NHSL2: variants seen among roughly 807,000 people sequenced by gnomAD.
NHSL2 encodes the protein NHS-like protein 2.
In NHSL2, 27 loss-of-function variants were observed where a neutral mutation model predicts 53.4. The observed-to-expected ratio is 0.51, with a 90% CI of 0.37 to 0.70. The LOEUF (loss-of-function observed/expected upper bound fraction) is 0.70, where lower values mean the gene tolerates loss of function less well. Among genes scored for constraint, NHSL2 ranks in the 30% least tolerant of loss-of-function variants. The pLI, the probability that NHSL2 is intolerant of heterozygous loss-of-function variation, is 0.00. For synonymous variants in NHSL2, 408 were observed against 404.1 expected (o/e 1.01, Z -0.12); for missense variants, 892 against 980.1 (o/e 0.91, Z 1.20).
chrX:72,143,508 A>G lies in NHSL2; in HGVS notation c.3612A>G (p.Pro1204=). The G allele has an allele frequency of 8.6e-7, 1 of 1,166,531 alleles. No homozygotes were observed. The highest frequency in any genetic ancestry group is 1.1e-6 in the Non-Finnish European group (1 of 872,242). The change falls in exon 8 of 8, where the codon CCA becomes CCG. Residue 1204 remains proline, a synonymous_variant. Transcript: ENST00000633930. ...SAAELLKTTN[P]LARRIIAQFS... is the part of the protein sequence containing the mutation. ...CTGAACTTCTGAAGACCACTAACCCACTGGCTCGGAGAATTATTGCACAAT... is the reference window on the plus strand; with the variant it reads ...CTGAACTTCTGAAGACCACTAACCCGCTGGCTCGGAGAATTATTGCACAAT...
At chrX:72,138,410 A>G in intron 5 of NHSL2, 31 bp from the exon 6 acceptor site, 3 of 1,079,082 alleles carry the variant, frequency 2.8e-6, no homozygotes, top group Non-Finnish European at 3.7e-6. Context: ...CCCTTGCTGT[A>G]GCACTCATGT....
At chrX:72,015,262 T>G (rs1246014283) in intron 1 of NHSL2, among the ~76,000 whole-genome samples, 1 of 111,676 alleles carries the variant, frequency 9.0e-6, no homozygotes, top group Non-Finnish European at 1.9e-5. Context: ...ATGCTCACGG[T>G]TTTTTGTTGT....
At chrX:71,937,167 C>T (rs1423147902) in intron 1 of NHSL2, among the ~76,000 whole-genome samples, 1 of 111,979 alleles carries the variant, frequency 8.9e-6, no homozygotes, top group Non-Finnish European at 1.9e-5. Context: ...GCATCAAGAA[C>T]ACATAGTACC....
intron 1 of NHSL2, among the ~76,000 whole-genome samples, chrX:71,987,534 C>T (rs7890496): frequency 2.7e-5 from 3 of 112,013 alleles, no homozygotes; most frequent in Admixed American, 9.4e-5. Context: ...AGTATGTGAC[C>T]GAATTTAGAC....
intron 1 of NHSL2, among the ~76,000 whole-genome samples, chrX:72,107,323 G>A (rs1041764075): frequency 8.9e-6 from 1 of 111,735 alleles, no homozygotes; most frequent in Admixed American, 9.4e-5. Flanking sequence ...ATGTAAGTTA[G>A]TTCCCAATGC....
At chrX:71,933,419 G>A (rs181642737) in intron 1 of NHSL2, among the ~76,000 whole-genome samples, 2 of 109,716 alleles carry the variant, frequency 1.8e-5, no homozygotes, top group South Asian at 4.0e-4. Context: ...AGAGGACTGT[G>A]AGGAGAAGGA....
intron 1 of NHSL2, chrX:72,130,182 C>T: frequency 8.3e-7 from 1 of 1,210,798 alleles, no homozygotes; most frequent in South Asian, 1.8e-5. Flanking sequence ...CCAGTGGCTC[C>T]TCCTCCACCT....
intron 1 of NHSL2, chrX:72,127,781 C>A (rs967568656): frequency 1.8e-5 from 2 of 112,834 alleles, no homozygotes; most frequent in African/African-American, 6.5e-5. Flanking sequence ...GAAAACCAGA[C>A]AATTGAAAGG....
chrX:72,134,451 G>A (rs1206815763), intron 3 of NHSL2, 58 bp from the exon 4 acceptor site: 2 of 1,005,334 alleles, frequency 2.0e-6, no homozygotes, highest in Non-Finnish European at 2.7e-6. Context: ...CCACCCTATG[G>A]GCACTGGCTC....
chrX:71,915,887 A>G (rs760124502), intron 1 of NHSL2, among the ~76,000 whole-genome samples: 2 of 112,282 alleles, frequency 1.8e-5, no homozygotes, highest in South Asian at 7.6e-4. Context: ...ACCTTTAGTA[A>G]CTGAGGGCAC....
At chrX:72,013,153 C>T (rs771217633) in intron 1 of NHSL2, among the ~76,000 whole-genome samples, 2 of 112,342 alleles carry the variant, frequency 1.8e-5, no homozygotes, top group Non-Finnish European at 3.8e-5. Context: ...TATGTTAAGT[C>T]TTCTGATCCA....
intron 1 of NHSL2, among the ~76,000 whole-genome samples, chrX:71,989,348 CA>C (rs10625546): frequency 7.3e-5 from 4 of 54,703 alleles, no homozygotes; most frequent in African/African-American, 3.3e-4. Flanking sequence ...GACTCCGTCT[CA>C]AAAAAAAAAA....
chrX:72,129,937 G>T, intron 1 of NHSL2: 1 of 1,211,383 alleles, frequency 8.3e-7, no homozygotes, highest in Non-Finnish European at 1.1e-6. Flanking sequence ...TAAACGACCT[G>T]TGCGGCGAAT....
chrX:72,023,972 C>A (rs2042172728), intron 1 of NHSL2, among the ~76,000 whole-genome samples: 1 of 110,954 alleles, frequency 9.0e-6, no homozygotes. Context: ...GAGGAGGAAC[C>A]AAAGAGGATG....
At chrX:72,055,047 G>A (rs962683134) in intron 1 of NHSL2, among the ~76,000 whole-genome samples, 1 of 111,704 alleles carries the variant, frequency 9.0e-6, no homozygotes, top group South Asian at 3.7e-4. Flanking sequence ...TCTTTAGCAA[G>A]CGGGGAGAGA....
intron 1 of NHSL2, among the ~76,000 whole-genome samples, chrX:72,070,217 A>G (rs2042459596): frequency 2.1e-5 from 2 of 96,784 alleles, no homozygotes; most frequent in Admixed American, 1.3e-4. Flanking sequence ...TCCTGGCTCT[A>G]CCTCATATGC....
intron 1 of NHSL2, chrX:72,130,395 C>T: frequency 4.2e-6 from 5 of 1,184,513 alleles, no homozygotes; most frequent in Non-Finnish European, 5.7e-6. Context: ...CTTCCTCCTT[C>T]TTCATCTCCT....
intron 1 of NHSL2, among the ~76,000 whole-genome samples, chrX:72,103,930 G>A (rs1026178608): frequency 1.8e-5 from 2 of 112,858 alleles, no homozygotes; most frequent in African/African-American, 6.4e-5. Context: ...TGTGGGATGC[G>A]TGACATTCAT....
chrX:71,953,928 G>A (rs2147842838), intron 1 of NHSL2, among the ~76,000 whole-genome samples: 1 of 111,971 alleles, frequency 8.9e-6, no homozygotes, highest in Admixed American at 9.4e-5. Context: ...CTGCACCTTC[G>A]AGAAAGAGGA....
Sources: gnomAD v4.1 joint callset for allele counts (sites outside exome capture counted in the v4.1 genomes callset) on GRCh38, gnomAD v4.1.1 for gene constraint, MANE v1.5 for transcripts, NCBI Gene and HGNC (gene_info 2026-07-23, HGNC 2026-07-21) for gene names.